ARL6: variants seen among roughly 807,000 people sequenced by gnomAD.
The protein encoded by ARL6 is ADP-ribosylation factor-like protein 6.
Under a neutral mutation model 27.1 loss-of-function variants are expected in ARL6, and 18 were observed. The observed-to-expected ratio is 0.66, with a 90% CI of 0.46 to 0.98. The LOEUF (loss-of-function observed/expected upper bound fraction) is 0.98. ARL6 is among the 50% of genes least tolerant of loss of function. ARL6 has a pLI of 0.00. For synonymous variants in ARL6, 65 were observed against 72.3 expected (o/e 0.90, Z 0.51); for missense variants, 187 against 214.9 (o/e 0.87, Z 0.81).
intron 7 of ARL6, among the ~76,000 whole-genome samples, chr3:97,796,453 G>C (rs1417482703): frequency 6.6e-6 from 1 of 151,948 alleles, no homozygotes; most frequent in African/African-American, 2.4e-5. Context: ...ACAAAGAATA[G>C]AAAATTTGAA....
At chr3:97,772,004 T>G (rs756398235) in intron 2 of ARL6, among the ~76,000 whole-genome samples, 4 of 152,192 alleles carry the variant, frequency 2.6e-5, no homozygotes, top group Non-Finnish European at 4.4e-5. Context: ...ATCATTGTAT[T>G]CCTGACTAGT....
intron 2 of ARL6, among the ~76,000 whole-genome samples, chr3:97,768,474 G>A (rs2107979898): frequency 6.6e-6 from 1 of 152,078 alleles, no homozygotes; most frequent in East Asian, 1.9e-4. Context: ...GATTTACTGA[G>A]TTTACTTTAA....
In ARL6 at chr3:97,772,307, A is replaced by C. The variant is rs374928732; in HGVS notation, c.123+4077A>C. Among the ~76,000 whole-genome samples the C allele has an allele frequency of 1.2e-4, 18 of 152,202 alleles. No homozygotes were observed. In the East Asian group the frequency reaches 3.5e-3, roughly 29 times the overall value. The stretch of plus-strand genomic sequence containing the variant: ...CTTCTATGTTATCCAATTTGTTGGC[A>C]TGTAGTTTTTCATAATAATCTCTAA... On this transcript the variant is annotated intron_variant, in intron 2 of 7. Transcript: ENST00000463745.
In ARL6 at chr3:97,785,017, A is replaced by G. The variant is rs2037383699; in HGVS notation, c.317A>G (p.Lys106Arg). 1 of 1,612,954 alleles carries G rather than the reference A, an allele frequency of 6.2e-7. No homozygotes were observed. Among genetic ancestry groups the G allele is most frequent in the Admixed American group, 1.7e-5 (1 of 59,952 alleles). ...GATAGATTAAGAATGGTTGTGGCCA[A>G]AGAAGAACTCGATACTCTTCTGAAT... is the stretch of plus-strand genomic sequence containing the variant. ...SSDRLRMVVA[K>R]EELDTLLNHP... Residue 106 changes from lysine to arginine, a missense_variant, in exon 5 of 8, where the codon AAA becomes AGA. Transcript: ENST00000463745.
At chr3:97,797,366 A>C (rs2038052540) in intron 7 of ARL6, among the ~76,000 whole-genome samples, 1 of 152,046 alleles carries the variant, frequency 6.6e-6, no homozygotes, top group Admixed American at 6.6e-5. Flanking sequence ...GGAGGGATAA[A>C]ATATAGAAGA....
rs959207273 is a variant in ARL6 at position 97,799,558 on chromosome 3, T to G, written c.*1509T>G. On this transcript the variant is annotated 3_prime_UTR_variant, in exon 8 of 8. Coordinates refer to ENST00000463745, the MANE Select transcript of ARL6 (RefSeq NM_001278293.3). ...TAAAAAACTGATATGCTACAACTAT[T>G]TTAGGATGGAGAAAGAATTGATTGA... 2.0e-5 allele frequency: 3 copies of G among 152,064 alleles called. No individual in the cohort carries two copies. Among genetic ancestry groups the G allele is most frequent in the Non-Finnish European group, 4.4e-5 (3 of 67,950 alleles). 9.4% of individuals were successfully genotyped at this position (152,064 alleles called of 1,614,324 possible).
chr3:97,790,646 G>A (rs540838340), intron 6 of ARL6, among the ~76,000 whole-genome samples: 11 of 152,002 alleles, frequency 7.2e-5, no homozygotes, highest in East Asian at 1.9e-4. Context: ...TAAGTGTTTC[G>A]GTTACTGATC....
Position 97,780,190 on chromosome 3 carries a change from G to C in ARL6, c.155G>C (p.Gly52Ala), listed in dbSNP as rs2037120972. 6.2e-7 allele frequency: 1 copy of C among 1,613,070 alleles called. No individual in the cohort carries two copies. Among genetic ancestry groups the C allele is most frequent in the Non-Finnish European group, 8.5e-7 (1 of 1,179,368 alleles). Residue 52 changes from glycine to alanine, a missense_variant, in exon 3 of 8, where the codon GGA (glycine) becomes GCA (alanine). Gly to Ala is a moderately conservative substitution (Grantham distance 60). Transcript: ENST00000463745. ...AQSQNILPTI[G>A]FSIEKFKSSS... is the part of the protein sequence containing the mutation. Reference sequence around the variant, plus strand: ...TCTCAAAATATCCTTCCAACAATAGGATTCAGCATAGAGAAATTCAAATCA... The same window carrying C: ...TCTCAAAATATCCTTCCAACAATAGCATTCAGCATAGAGAAATTCAAATCA...
chr3:97,795,650 G>A (rs916764907), intron 7 of ARL6, among the ~76,000 whole-genome samples: 1 of 152,178 alleles, frequency 6.6e-6, no homozygotes, highest in Non-Finnish European at 1.5e-5. Flanking sequence ...AGTGGGGAAA[G>A]CTGAAAAGCA....
At chr3:97,785,432 C>G (rs1159455775) in intron 5 of ARL6, among the ~76,000 whole-genome samples, 3 of 122,512 alleles carry the variant, frequency 2.4e-5, no homozygotes, top group Non-Finnish European at 5.6e-5. Context: ...ATGCATTTCT[C>G]TATGTGTATC....
intron 2 of ARL6, among the ~76,000 whole-genome samples, chr3:97,778,927 T>TA (rs1053658484): frequency 5.3e-5 from 8 of 151,360 alleles, no homozygotes; most frequent in Middle Eastern, 3.4e-3. Flanking sequence ...ATAAAGAATG[T>TA]AAAAAAAAGG....
chr3:97,774,779 A>T (rs1490672725), intron 2 of ARL6, among the ~76,000 whole-genome samples: 1 of 152,122 alleles, frequency 6.6e-6, no homozygotes, highest in Non-Finnish European at 1.5e-5. Flanking sequence ...TCTACAGGAG[A>T]TAAGACTCTC....
chr3:97,790,921 A>G (rs1239606087), intron 6 of ARL6, among the ~76,000 whole-genome samples: 6 of 152,142 alleles, frequency 3.9e-5, no homozygotes, highest in Admixed American at 2.0e-4. Context: ...ATTAATTGCT[A>G]TTAAACAATC....
chr3:97,767,699 C>G (rs1257507112), intron 1 of ARL6, among the ~76,000 whole-genome samples: 1 of 152,146 alleles, frequency 6.6e-6, no homozygotes, highest in Non-Finnish European at 1.5e-5. Context: ...AACCCCATTG[C>G]CCATTCATTG....
At chr3:97,781,320 C>T (rs745618698) in intron 4 of ARL6, among the ~76,000 whole-genome samples, 1 of 144,754 alleles carries the variant, frequency 6.9e-6, no homozygotes, top group African/African-American at 2.7e-5. Flanking sequence ...CACTAATTTA[C>T]ACTTGGTCCT....
chr3:97,779,091 A>C (rs1246127364), intron 2 of ARL6, among the ~76,000 whole-genome samples: 1 of 152,324 alleles, frequency 6.6e-6, no homozygotes, highest in South Asian at 2.1e-4. Flanking sequence ...GGATTTGTCA[A>C]CATGTCTCCT....
At chr3:97,788,760 ATTGT>A (rs1177172088) in intron 6 of ARL6, among the ~76,000 whole-genome samples, 1 of 152,192 alleles carries the variant, frequency 6.6e-6, no homozygotes, top group Non-Finnish European at 1.5e-5. Context: ...ATTGTTATGC[ATTGT>A]TTGTTTGGAA....
At chr3:97,785,330 C>T (rs1348239711) in intron 5 of ARL6, among the ~76,000 whole-genome samples, 2 of 69,694 alleles carry the variant, frequency 2.9e-5, no homozygotes, top group Non-Finnish European at 3.1e-5. Flanking sequence ...TAAATTGTAC[C>T]AAAGCAAAAA....
chr3:97,792,471 G>T (rs961673476), intron 7 of ARL6, among the ~76,000 whole-genome samples: 1 of 152,000 alleles, frequency 6.6e-6, no homozygotes, highest in South Asian at 2.1e-4. Context: ...AACAAAGCAA[G>T]ACTCCATCTC....
Sources: gnomAD v4.1 joint callset for allele counts (sites outside exome capture counted in the v4.1 genomes callset) on GRCh38, gnomAD v4.1.1 for gene constraint, MANE v1.5 for transcripts, NCBI Gene and HGNC (gene_info 2026-07-23, HGNC 2026-07-21) for gene names.